The following KDM1B variants were observed in gnomAD, a reference collection of about 807,000 sequenced individuals.
KDM1B encodes the protein lysine-specific histone demethylase 2.
Under a neutral mutation model 107.4 loss-of-function variants are expected in KDM1B, and 63 were observed. The observed-to-expected ratio is 0.59, with a 90% confidence interval of 0.48 to 0.72. KDM1B has a LOEUF of 0.72. Ranked by LOEUF, KDM1B falls within the 30% of genes least tolerant of loss-of-function variation. KDM1B has a pLI of 0.00. For missense variants in KDM1B, 749 were observed against 1,020.8 expected, an observed-to-expected ratio of 0.73 and a Z score of 3.63; for synonymous variants, 363 against 363.9, an observed-to-expected ratio of 1.00 and a Z score of 0.03.
At position 18,167,644 on chromosome 6, in the gene KDM1B, T is replaced by C. The variant is rs370122559; in HGVS notation, c.417+1266T>C. Among the ~76,000 whole-genome samples the C allele has an allele frequency of 4.6e-5, 7 of 151,878 alleles. No individual in the cohort carries two copies. In the East Asian group the frequency reaches 7.9e-4, roughly 17 times the overall value. On this transcript the variant is annotated intron_variant, in intron 6 of 21. Transcript: ENST00000650836. ...ACATGCTACCACGCCCAGCTGACTT[T>C]TGTATTTTTTGTAGAGATGGGGTTT...
chr6:18,221,173 A>G (rs1157203231), intron 21 of KDM1B, among the ~76,000 whole-genome samples: 1 of 151,834 alleles, frequency 6.6e-6, no homozygotes, highest in Non-Finnish European at 1.5e-5. Flanking sequence ...TTTCCCTTCT[A>G]TCCAGGCATC....
In KDM1B at chr6:18,187,976, A is replaced by G. The variant is rs898487978; in HGVS notation, c.758A>G (p.His253Arg). Residue 253 changes from histidine (H) to arginine (R), a missense_variant, in exon 9 of 22, where the codon CAC becomes CGC. Coordinates refer to ENST00000650836, the MANE Select transcript of KDM1B (RefSeq NM_001364614.2). ...TGNASPGKLE[H>R]SKAALSVHVP... ...AATGCCAGCCCTGGGAAGCTGGAGCACTCCAAGGCTGCCCTCTCCGTGCAC... is the reference window on the plus strand; with the variant it reads ...AATGCCAGCCCTGGGAAGCTGGAGCGCTCCAAGGCTGCCCTCTCCGTGCAC... 1.3e-6 allele frequency: 2 copies of G among 1,550,242 alleles called. No individual in the cohort carries two copies. The highest frequency in any genetic ancestry group is 2.7e-5 in the African/African-American group (2 of 72,980).
intron 7 of KDM1B, among the ~76,000 whole-genome samples, chr6:18,176,127 T>C (rs973981907): frequency 1.3e-5 from 2 of 152,222 alleles, no homozygotes; most frequent in African/African-American, 2.4e-5. Context: ...CTATGATTTC[T>C]TCCAGCAGTG....
chr6:18,206,391 C>T (rs1268303794), intron 15 of KDM1B, among the ~76,000 whole-genome samples: 1 of 152,024 alleles, frequency 6.6e-6, no homozygotes, highest in African/African-American at 2.4e-5. Context: ...GTGGCATGTG[C>T]CTGTAGTCCC....
intron 9 of KDM1B, 119 bp downstream of exon 9, chr6:18,188,121 A>C (rs1180970076): frequency 2.2e-6 from 2 of 895,210 alleles, no homozygotes; most frequent in Non-Finnish European, 3.4e-6. Flanking sequence ...ACAGTGGCTC[A>C]TGCCTGTAAT....
chr6:18,161,632 C>T (rs1470988045), intron 4 of KDM1B, among the ~76,000 whole-genome samples, 178 bp downstream of exon 4: 3 of 152,066 alleles, frequency 2.0e-5, no homozygotes, highest in African/African-American at 4.8e-5. Context: ...CAAGGCCCTC[C>T]CTACTTATCC....
At chr6:18,221,870 T>C in intron 21 of KDM1B, 39 bp from the exon 22 acceptor site, 2 of 1,479,768 alleles carry the variant, frequency 1.4e-6, no homozygotes, top group Non-Finnish European at 9.2e-7. Flanking sequence ...TCAACTCAAC[T>C]CTATGCATGA....
Position 18,205,943 on chromosome 6 carries a change from G to T in KDM1B, c.1659+279G>T, listed in dbSNP as rs1048147835. On this transcript the variant is annotated intron_variant, in intron 15 of 21. Coordinates refer to ENST00000650836, the MANE Select transcript of KDM1B (RefSeq NM_001364614.2). The surrounding 1 kb of genome is among the most constrained non-coding windows in gnomAD (Gnocchi z 5.7). ...GGAGGCGGAAGTCGTAGTGAGCTGGGATCGCGCCACTGCACTCCAGCCTGG... is the reference window on the plus strand; with the variant it reads ...GGAGGCGGAAGTCGTAGTGAGCTGGTATCGCGCCACTGCACTCCAGCCTGG... Among the ~76,000 whole-genome samples, 4 of 152,084 alleles carry T rather than the reference G, an allele frequency of 2.6e-5. No homozygotes were observed. The highest frequency in any genetic ancestry group is 7.2e-5 in the African/African-American group (3 of 41,420).
chr6:18,195,455 C>T (rs906956466), intron 10 of KDM1B, among the ~76,000 whole-genome samples: 13 of 152,032 alleles, frequency 8.6e-5, no homozygotes, highest in African/African-American at 3.1e-4. Context: ...ATGTTGTGGC[C>T]GGGCACGGTG....
In KDM1B at chr6:18,194,156, C is replaced by T. The variant is rs568549957; in HGVS notation, c.969+2775C>T. Among the ~76,000 whole-genome samples, 199 of 152,138 alleles carry T rather than the reference C, an allele frequency of 1.3e-3. 2 individuals carry two copies. Among genetic ancestry groups the T allele is most frequent in the African/African-American group, 4.5e-3 (187 of 41,492 alleles). Reference sequence around the variant, plus strand: ...CCTCCCAAAGTGCTGGGATTACAGGCGTGCACTACCACGCCTGGCTAAATT... The same window carrying T: ...CCTCCCAAAGTGCTGGGATTACAGGTGTGCACTACCACGCCTGGCTAAATT... On this transcript the variant is annotated intron_variant, in intron 10 of 21. Transcript: ENST00000650836.
Position 18,191,439 on chromosome 6 carries a change from A to T in KDM1B, c.969+58A>T, listed in dbSNP as rs1456786875. ...ACAGAGGAGGACCATGTTGAAAAGGAGGGGATACTTCATCTGGGGATGGAA... is the reference window on the plus strand; with the variant it reads ...ACAGAGGAGGACCATGTTGAAAAGGTGGGGATACTTCATCTGGGGATGGAA... On this transcript the variant is annotated intron_variant, in intron 10 of 21. Coordinates refer to ENST00000650836, the MANE Select transcript of KDM1B (RefSeq NM_001364614.2). The surrounding 1 kb of genome is among the most constrained non-coding windows in gnomAD (Gnocchi z 5.1). The T allele has an allele frequency of 1.4e-6, 2 of 1,473,758 alleles. No homozygotes were observed. Among genetic ancestry groups the T allele is most frequent in the Non-Finnish European group, 1.8e-6 (2 of 1,093,280 alleles). 91.3% of individuals were successfully genotyped at this position (1,473,758 alleles called of 1,614,324 possible).
intron 9 of KDM1B, among the ~76,000 whole-genome samples, chr6:18,189,003 C>T (rs940101544): frequency 5.3e-5 from 8 of 151,838 alleles, no homozygotes; most frequent in Non-Finnish European, 8.8e-5. Context: ...AGGCTGGTCT[C>T]GAACTTCTGA....
chr6:18,215,616 C>T (rs1789161880), intron 20 of KDM1B, among the ~76,000 whole-genome samples: 1 of 152,150 alleles, frequency 6.6e-6, no homozygotes, highest in African/African-American at 2.4e-5. Context: ...TTCTGAGGCA[C>T]TGAGGGTTAG....
At chr6:18,182,197 A>G (rs1786526754) in intron 7 of KDM1B, among the ~76,000 whole-genome samples, 1 of 152,128 alleles carries the variant, frequency 6.6e-6, no homozygotes. Context: ...GTCTTTTTAA[A>G]TTCCAATTTC....
intron 4 of KDM1B, 38 bp downstream of exon 4, chr6:18,161,492 T>C: frequency 6.2e-7 from 1 of 1,607,400 alleles, no homozygotes; most frequent in Admixed American, 1.7e-5. Context: ...CCATTTCTGC[T>C]TGTGAGAAGT....
chr6:18,166,273 G>A lies in KDM1B; in HGVS notation c.312G>A (p.Lys104=). Residue 104 remains lysine, a synonymous_variant, in exon 6 of 22, where the codon AAG becomes AAA. Coordinates refer to ENST00000650836, the MANE Select transcript of KDM1B (RefSeq NM_001364614.2). The part of the protein sequence containing the change: ...ECFDHYYRSH[K]DGYDKYTTWK... The stretch of plus-strand genomic sequence containing the variant: ...AATTTTTCTTGTTTTTCAGCCATAA[G>A]GATGGATATGACAAATATACTACAT... The A allele has an allele frequency of 6.6e-7, 1 of 1,517,730 alleles. No individual in the cohort carries two copies. 94.0% of individuals were successfully genotyped at this position (1,517,730 alleles called of 1,614,324 possible).
At chr6:18,187,645 C>G in intron 8 of KDM1B, 147 bp from the exon 9 acceptor site, 1 of 621,262 alleles carries the variant, frequency 1.6e-6, no homozygotes, top group Non-Finnish European at 2.9e-6. Flanking sequence ...GTGTAGAGCT[C>G]TGGAATAGAA....
intron 21 of KDM1B, 69 bp downstream of exon 21, chr6:18,217,954 G>T (rs553905103): frequency 2.7e-5 from 41 of 1,523,842 alleles, no homozygotes; most frequent in South Asian, 2.2e-4. Context: ...AATGATATCT[G>T]CCCAGAGTTT....
Position 18,187,930 on chromosome 6 carries a change from A to C in KDM1B, c.712A>C (p.Asn238His). 1 of 1,550,464 alleles carries C rather than the reference A, an allele frequency of 6.4e-7. No individual in the cohort carries two copies. Among genetic ancestry groups the C allele is most frequent in the Non-Finnish European group, 8.7e-7 (1 of 1,146,974 alleles). The change falls in exon 9 of 22, where the codon AAC (asparagine) becomes CAC (histidine). Residue 238 changes from asparagine (N) to histidine (H), a missense_variant. Coordinates refer to ENST00000650836, the MANE Select transcript of KDM1B (RefSeq NM_001364614.2). ...CATGAGCCCCTCCTGCACCAGCACA[A>C]ACCGCGCCGCTGCCACTGGCAATGC... ...VGMSPSCTST[N>H]RAAATGNASP... is the part of the protein sequence containing the mutation.
Sources: allele counts gnomAD v4.1 joint callset (sites outside exome capture counted in the v4.1 genomes callset), GRCh38; gene constraint gnomAD v4.1.1; non-coding constraint Gnocchi (gnomAD v3.1); transcripts MANE v1.5; gene names NCBI Gene and HGNC (gene_info 2026-07-23, HGNC 2026-07-21).